Variants in BTG4 observed in about 807,000 individuals in gnomAD.
BTG4 encodes BTG anti-proliferation factor 4, also known as protein BTG4.
In BTG4, 10 loss-of-function variants were observed where a neutral mutation model predicts 19.3. The ratio of observed to expected loss-of-function variants is 0.52; its 90% CI spans 0.32 to 0.88. BTG4 has a LOEUF of 0.88. Among genes scored for constraint, BTG4 ranks in the 40% least tolerant of loss-of-function variants. The probability of loss-of-function intolerance (pLI) is 0.04; values close to 1 mark genes in which losing one functional copy is unlikely to be tolerated. For missense variants in BTG4, 238 were observed against 281.9 expected, an observed-to-expected ratio of 0.84 and a Z score of 1.11; for synonymous variants, 91 against 95.7, an observed-to-expected ratio of 0.95 and a Z score of 0.29.
chr11:111,512,732 C>G (rs1169984277), upstream of BTG4, among the ~76,000 whole-genome samples: 2 of 152,086 alleles, frequency 1.3e-5, no homozygotes, highest in Non-Finnish European at 2.9e-5. Context: ...GGGCGCGGGT[C>G]CTCCCCGGCA....
chr11:111,448,224 G>C, the BTG4 span, among the ~76,000 whole-genome samples: 1 of 152,200 alleles, frequency 6.6e-6, no homozygotes, highest in Non-Finnish European at 1.5e-5. Flanking sequence ...AGGATGCAGA[G>C]AGGGTAGGAG....
At chr11:111,406,275 G>C in the BTG4 span, among the ~76,000 whole-genome samples, 1 of 152,198 alleles carries the variant, frequency 6.6e-6, no homozygotes, top group African/African-American at 2.4e-5. Context: ...CCACTGTGCT[G>C]GCTACACACT....
chr11:111,446,965 C>A, the BTG4 span, among the ~76,000 whole-genome samples: 1 of 152,164 alleles, frequency 6.6e-6, no homozygotes, highest in African/African-American at 2.4e-5. Context: ...GAAAGACTTA[C>A]TACAAAAAAA....
chr11:111,458,909 C>A, the BTG4 span, among the ~76,000 whole-genome samples: 3 of 152,188 alleles, frequency 2.0e-5, no homozygotes, highest in Non-Finnish European at 4.4e-5. Context: ...CTAACCCCTC[C>A]CTGCCACTGT....
chr11:111,473,373 G>C (rs1864197239), intron 5 of BTG4: 1 of 152,572 alleles, frequency 6.6e-6, no homozygotes, highest in African/African-American at 2.4e-5. Flanking sequence ...CCTCGCTGCA[G>C]AACAACAAAT....
intron 5 of BTG4, chr11:111,469,852 C>T (rs11213917): frequency 0.12 from 17,724 of 152,714 alleles, 1,148 homozygotes; most frequent in South Asian, 0.2. Flanking sequence ...TTTCCAGGGA[C>T]AGTAAACTTG....
intron 1 of BTG4, among the ~76,000 whole-genome samples, chr11:111,511,667 G>T (rs761659482): frequency 6.6e-6 from 1 of 152,162 alleles, no homozygotes; most frequent in African/African-American, 2.4e-5. Flanking sequence ...GGAGGGGAAG[G>T]AAAGTTATTA....
the BTG4 span, among the ~76,000 whole-genome samples, chr11:111,403,809 G>A: frequency 1.3e-5 from 2 of 152,202 alleles, no homozygotes; most frequent in Non-Finnish European, 2.9e-5. Context: ...TGGTGATATT[G>A]ATGGTAATGA....
intron 1 of BTG4, among the ~76,000 whole-genome samples, chr11:111,504,680 T>C (rs186961773): frequency 1.7e-4 from 26 of 152,144 alleles, no homozygotes; most frequent in African/African-American, 6.3e-4. Flanking sequence ...AGTCAAATTA[T>C]CTCTGTTCAC....
At chr11:111,450,670 C>G in the BTG4 span, 1 of 152,240 alleles carries the variant, frequency 6.6e-6, no homozygotes, top group East Asian at 1.9e-4. Context: ...CCAGGCTGAA[C>G]AGCTGCTGAT....
At chr11:111,384,306 T>C in the BTG4 span, among the ~76,000 whole-genome samples, 1 of 151,652 alleles carries the variant, frequency 6.6e-6, no homozygotes, top group Non-Finnish European at 1.5e-5. Flanking sequence ...AAATGACAAA[T>C]TCCTAAAATT....
the BTG4 span, among the ~76,000 whole-genome samples, chr11:111,429,839 A>AT: frequency 6.6e-6 from 1 of 152,208 alleles, no homozygotes; most frequent in Non-Finnish European, 1.5e-5. Context: ...CTGCTTTCTC[A>AT]TATCTTCCAA....
At chr11:111,443,060 CA>C in the BTG4 span, among the ~76,000 whole-genome samples, 1 of 152,232 alleles carries the variant, frequency 6.6e-6, no homozygotes, top group Admixed American at 6.5e-5. Flanking sequence ...AACAGTGATA[CA>C]TCATGTTGAT....
chr11:111,471,289 G>A (rs986892576), intron 5 of BTG4, among the ~76,000 whole-genome samples: 4 of 152,210 alleles, frequency 2.6e-5, no homozygotes, highest in South Asian at 2.1e-4. Context: ...TAATTGTCCC[G>A]TACACATATC....
At chr11:111,470,167 C>T (rs1402853012) in intron 5 of BTG4, among the ~76,000 whole-genome samples, 7 of 152,242 alleles carry the variant, frequency 4.6e-5, no homozygotes, top group Non-Finnish European at 8.8e-5. Flanking sequence ...GCCATTACAG[C>T]TGACTGCAGC....
chr11:111,402,547 T>C, the BTG4 span, among the ~76,000 whole-genome samples: 1 of 152,192 alleles, frequency 6.6e-6, no homozygotes, highest in Non-Finnish European at 1.5e-5. Flanking sequence ...TGCTGTATCC[T>C]TGGCACCTAG....
the BTG4 span, among the ~76,000 whole-genome samples, chr11:111,422,795 T>C: frequency 6.6e-6 from 1 of 152,106 alleles, no homozygotes; most frequent in African/African-American, 2.4e-5. Flanking sequence ...GAACTCCAAG[T>C]TCTGTCTTGG....
chr11:111,407,441 C>T, the BTG4 span, among the ~76,000 whole-genome samples: 2 of 152,130 alleles, frequency 1.3e-5, no homozygotes, highest in East Asian at 3.9e-4. Flanking sequence ...GAGGCCAAGG[C>T]AGGTGGATCA....
intron 5 of BTG4, among the ~76,000 whole-genome samples, chr11:111,489,143 CA>C (rs34189492): frequency 7.2e-4 from 99 of 136,872 alleles, no homozygotes; most frequent in Admixed American, 1.3e-3. Context: ...AACTCCATCT[CA>C]AAAAAAAAAA....
Sources: allele counts gnomAD v4.1 joint callset (sites outside exome capture counted in the v4.1 genomes callset), GRCh38; gene constraint gnomAD v4.1.1; transcripts MANE v1.5; gene names NCBI Gene and HGNC (gene_info 2026-07-23, HGNC 2026-07-21).